LIPA: variants seen among roughly 807,000 people sequenced by gnomAD.
The protein encoded by LIPA is lysosomal acid lipase/cholesteryl ester hydrolase.
A neutral mutation model predicts 40.6 loss-of-function variants in LIPA; 26 were observed. The ratio of observed to expected loss-of-function variants is 0.64; its 90% CI spans 0.47 to 0.89. LIPA has a LOEUF of 0.89. Among genes scored for constraint, LIPA ranks in the 40% least tolerant of loss-of-function variants. LIPA has a pLI of 0.00. For synonymous variants in LIPA, 188 were observed against 168.4 expected (o/e 1.12, Z -0.90); for missense variants, 455 against 479.6 (o/e 0.95, Z 0.48).
At chr10:89,296,976 G>A (rs1294098924) in intron 1 of LIPA, among the ~76,000 whole-genome samples, 2 of 152,132 alleles carry the variant, frequency 1.3e-5, no homozygotes, top group Non-Finnish European at 2.9e-5. Flanking sequence ...CAGGATGGCT[G>A]ACTAGAGACA....
intron 2 of LIPA, among the ~76,000 whole-genome samples, chr10:89,399,997 G>A (rs80030105): frequency 0.012 from 1,794 of 152,258 alleles, 18 homozygotes; most frequent in Non-Finnish European, 0.02. Flanking sequence ...TTCTAGCCTC[G>A]AGAACTGTAA....
chr10:89,304,978 G>C (rs866709055), intron 1 of LIPA, among the ~76,000 whole-genome samples: 15 of 147,414 alleles, frequency 1.0e-4, no homozygotes, highest in Admixed American at 2.7e-4. Flanking sequence ...AAACCCAGAA[G>C]AGAAAAATAA....
intron 3 of LIPA, 27 bp downstream of exon 3, chr10:89,245,649 T>A: frequency 8.5e-7 from 1 of 1,181,056 alleles, no homozygotes; most frequent in Non-Finnish European, 1.3e-6. Context: ...AGAATTCTGG[T>A]TTTTACTTTT....
intron 1 of LIPA, among the ~76,000 whole-genome samples, chr10:89,258,512 C>G (rs1843192116): frequency 1.3e-5 from 2 of 152,068 alleles, no homozygotes; most frequent in African/African-American, 4.8e-5. Flanking sequence ...ACTTCATACC[C>G]ACTAGGATAG....
intron 8 of LIPA, among the ~76,000 whole-genome samples, chr10:89,217,052 C>T (rs1842637345): frequency 6.6e-6 from 1 of 152,036 alleles, no homozygotes; most frequent in African/African-American, 2.4e-5. Context: ...TTTTAAAATT[C>T]AAAATAGTGC....
At chr10:89,369,944 T>C (rs1268876959) in intron 2 of LIPA, among the ~76,000 whole-genome samples, 1 of 152,242 alleles carries the variant, frequency 6.6e-6, no homozygotes, top group East Asian at 1.9e-4. Flanking sequence ...ATATTAAAGC[T>C]ATAAAAGCTG....
intron 1 of LIPA, among the ~76,000 whole-genome samples, chr10:89,248,453 TTTATTTA>T (rs879931598): frequency 0.25 from 17,224 of 67,844 alleles, 1,482 homozygotes; most frequent in African/African-American, 0.4. Context: ...TATTTATTTA[TTTATTTA>T]TTTATTTATT....
intron 2 of LIPA, chr10:89,384,072 C>A: frequency 1.2e-6 from 2 of 1,614,208 alleles, no homozygotes; most frequent in Non-Finnish European, 1.7e-6. Flanking sequence ...AGGCCTATGT[C>A]TTTCAATATG....
chr10:89,247,471 T>C (rs1843041877), intron 2 of LIPA, 67 bp downstream of exon 2: 15 of 873,416 alleles, frequency 1.7e-5, no homozygotes, highest in Admixed American at 1.9e-5. Context: ...TATGGCTTCA[T>C]GTAGCTCACA....
intron 2 of LIPA, among the ~76,000 whole-genome samples, chr10:89,351,099 T>G (rs1490896056): frequency 6.6e-6 from 1 of 152,196 alleles, no homozygotes; most frequent in Non-Finnish European, 1.5e-5. Context: ...GCGGATCACT[T>G]GAGCCCAGGA....
upstream of LIPA, among the ~76,000 whole-genome samples, chr10:89,256,074 T>TTCCTTCTTC (rs1843179595): frequency 6.6e-6 from 1 of 152,200 alleles, no homozygotes; most frequent in African/African-American, 2.4e-5. Flanking sequence ...TCCCCTTCTT[T>TTCCTTCTTC]CTTCCTTCTT....
intron 2 of LIPA, among the ~76,000 whole-genome samples, chr10:89,394,379 G>A (rs1844302666): frequency 6.6e-6 from 1 of 151,968 alleles, no homozygotes; most frequent in Non-Finnish European, 1.5e-5. Context: ...ATTTAGAAAT[G>A]TTAAGATCAC....
At position 89,396,261 on chromosome 10, in the gene LIPA, A is replaced by T. The variant is rs115935663; in HGVS notation, c.61+16530T>A. ...AATTTCTCCACATCCTTATTGCCTT[A>T]GTCCTTTTTGTGTTGCTATAGAAGA... On this transcript the variant is annotated intron_variant, in intron 2 of 8. Coordinates refer to the LIPA transcript ENST00000371837. Among the ~76,000 whole-genome samples, 629 of 152,328 alleles carry T rather than the reference A, an allele frequency of 4.1e-3. 10 individuals carry two copies. Among genetic ancestry groups the T allele is most frequent in the African/African-American group, 0.014 (567 of 41,574 alleles).
At chr10:89,329,779 C>T (rs1843632212) in intron 1 of LIPA, among the ~76,000 whole-genome samples, 1 of 152,118 alleles carries the variant, frequency 6.6e-6, no homozygotes, top group Non-Finnish European at 1.5e-5. Context: ...TCATGCAAGT[C>T]CGTGTGAAGA....
At chr10:89,302,161 G>T in intron 1 of LIPA, 6 of 1,611,892 alleles carry the variant, frequency 3.7e-6, no homozygotes, top group Non-Finnish European at 5.1e-6. Flanking sequence ...CGGTAGTGCT[G>T]TTGAGTCATC....
chr10:89,234,911 G>C (rs1294507630), intron 3 of LIPA, among the ~76,000 whole-genome samples: 1 of 152,228 alleles, frequency 6.6e-6, no homozygotes. Flanking sequence ...GGGAATTGTG[G>C]TAAAGAAGTC....
chr10:89,378,089 A>G, intron 2 of LIPA: 1 of 1,612,196 alleles, frequency 6.2e-7, no homozygotes, highest in Non-Finnish European at 8.5e-7. Flanking sequence ...AGGAGCCTCC[A>G]AGCCTGAACC....
At chr10:89,338,525 T>A (rs1482226874) in intron 1 of LIPA, 1 of 803,354 alleles carries the variant, frequency 1.2e-6, no homozygotes, top group African/African-American at 1.7e-5. Context: ...CAACCTCACA[T>A]ACATACCCAG....
At chr10:89,311,355 T>A (rs558074646) in intron 1 of LIPA, among the ~76,000 whole-genome samples, 1 of 151,844 alleles carries the variant, frequency 6.6e-6, no homozygotes, top group South Asian at 2.1e-4. Flanking sequence ...AAACCCCATC[T>A]CTACCAAAAA....
Sources: gnomAD v4.1 joint callset for allele counts (sites outside exome capture counted in the v4.1 genomes callset) on GRCh38, gnomAD v4.1.1 for gene constraint, MANE v1.5 for transcripts, NCBI Gene and HGNC (gene_info 2026-07-23, HGNC 2026-07-21) for gene names.